Variants in PDE3A observed in about 807,000 individuals in gnomAD.
PDE3A encodes the protein phosphodiesterase 3A.
Under a neutral mutation model 98.3 loss-of-function variants are expected in PDE3A, and 43 were observed. That is an observed-to-expected ratio of 0.44 (90% CI 0.34 to 0.56). The LOEUF (loss-of-function observed/expected upper bound fraction) is 0.56, where lower values mean the gene tolerates loss of function less well. Ranked by LOEUF, PDE3A falls within the 20% of genes least tolerant of loss-of-function variation. The probability of loss-of-function intolerance (pLI) is 0.01; values close to 1 mark genes in which losing one functional copy is unlikely to be tolerated. For synonymous variants in PDE3A, 663 were observed against 567.9 expected (o/e 1.17, Z -2.38); for missense variants, 1,427 against 1,440.7 (o/e 0.99, Z 0.15).
chr12:20,374,077 T>C (rs1184104867), intron 1 of PDE3A, among the ~76,000 whole-genome samples: 10 of 152,146 alleles, frequency 6.6e-5, no homozygotes, highest in Non-Finnish European at 1.0e-4. Context: ...TTTATGGTGA[T>C]TCAAAGAGCA....
At chr12:20,422,845 A>C (rs1403535643) in intron 1 of PDE3A, among the ~76,000 whole-genome samples, 27 of 152,218 alleles carry the variant, frequency 1.8e-4, no homozygotes, top group Non-Finnish European at 4.4e-5. Context: ...AGTTCTTAAA[A>C]CTATAAAACT....
In PDE3A at chr12:20,556,692, A is replaced by G; in HGVS notation, c.993A>G (p.Arg331=). 6.2e-7 allele frequency: 1 copy of G among 1,609,744 alleles called. No individual in the cohort carries two copies. The highest frequency in any genetic ancestry group is 8.5e-7 in the Non-Finnish European group (1 of 1,176,180). Residue 331 remains arginine (R), a synonymous_variant, in exon 2 of 16, where the codon CGA becomes CGG. Transcript: ENST00000359062. ...GGCATTCAGAATGGGACCACAAACG[A>G]GGGCCAAGAGGATCACAGGTAAGTT... ...LMGHSEWDHK[R]GPRGSQSSGT...
At chr12:20,473,486 A>G (rs1250400168) in intron 1 of PDE3A, among the ~76,000 whole-genome samples, 1 of 152,158 alleles carries the variant, frequency 6.6e-6, no homozygotes, top group Non-Finnish European at 1.5e-5. Context: ...TCTTCAACAA[A>G]CACTAGCCAA....
chr12:20,606,783 G>C (rs991134253), intron 2 of PDE3A, among the ~76,000 whole-genome samples: 4 of 151,128 alleles, frequency 2.6e-5, no homozygotes, highest in Non-Finnish European at 5.9e-5. Context: ...ACTTGAACCT[G>C]GGAGGTGGAG....
At chr12:20,395,942 C>G (rs986996207) in intron 1 of PDE3A, among the ~76,000 whole-genome samples, 8 of 151,896 alleles carry the variant, frequency 5.3e-5, no homozygotes, top group African/African-American at 1.7e-4. Context: ...GTCACTCAGG[C>G]TGAAGTGCAG....
At chr12:20,654,547 C>G (rs10743387) in intron 15 of PDE3A, among the ~76,000 whole-genome samples, 1 of 151,690 alleles carries the variant, frequency 6.6e-6, no homozygotes, top group Admixed American at 6.6e-5. Flanking sequence ...CCCAGGCTGG[C>G]GTGCAGTGGC....
At chr12:20,507,783 G>A (rs1444515423) in intron 1 of PDE3A, among the ~76,000 whole-genome samples, 1 of 151,974 alleles carries the variant, frequency 6.6e-6, no homozygotes, top group African/African-American at 2.4e-5. Flanking sequence ...CCAGAATCTG[G>A]TAACTTCTCA....
chr12:20,646,653 T>C (rs1288025884), intron 11 of PDE3A, 50 bp downstream of exon 11: 1 of 1,367,398 alleles, frequency 7.3e-7, no homozygotes, highest in African/African-American at 1.4e-5. Flanking sequence ...GGAACAAGGG[T>C]GTTTTTGTTT....
chr12:20,394,564 T>TATA (rs1197783512), intron 1 of PDE3A, among the ~76,000 whole-genome samples: 1 of 152,118 alleles, frequency 6.6e-6, no homozygotes, highest in Non-Finnish European at 1.5e-5. Context: ...AATTAATTTG[T>TATA]ATAATAAATA....
chr12:20,629,895 C>G lies in PDE3A; in HGVS notation c.1541-13C>G. The G allele has an allele frequency of 6.3e-7, 1 of 1,595,074 alleles. No individual in the cohort carries two copies. Among genetic ancestry groups the G allele is most frequent in the Non-Finnish European group, 8.6e-7 (1 of 1,162,746 alleles). ...GACATTTGTTTAGTTACTTAACTCT[C>G]ATTCTTTCTCAGGTGCCCTCGCTAA... On this transcript the variant is annotated splice_polypyrimidine_tract_variant and intron_variant, in intron 5 of 15. Transcript: ENST00000359062.
chr12:20,506,919 A>G (rs1940379850), intron 1 of PDE3A, among the ~76,000 whole-genome samples: 2 of 152,048 alleles, frequency 1.3e-5, no homozygotes, highest in African/African-American at 4.8e-5. Flanking sequence ...GAAACAGGTC[A>G]TTTTTCAAGA....
intron 1 of PDE3A, among the ~76,000 whole-genome samples, chr12:20,448,225 A>ACAG (rs1944993309): frequency 6.6e-6 from 1 of 152,132 alleles, no homozygotes; most frequent in South Asian, 2.1e-4. Flanking sequence ...GGATCACCTG[A>ACAG]GGTCAGGATT....
intron 1 of PDE3A, among the ~76,000 whole-genome samples, chr12:20,371,024 T>C (rs1318368904): frequency 1.3e-5 from 2 of 152,246 alleles, no homozygotes; most frequent in Non-Finnish European, 2.9e-5. Context: ...TGGATATTTA[T>C]AAATTCAAAT....
At chr12:20,556,825 T>G in intron 2 of PDE3A, 115 bp downstream of exon 2, 1 of 775,074 alleles carries the variant, frequency 1.3e-6, no homozygotes, top group East Asian at 2.5e-5. Context: ...AAAATAACCA[T>G]GCCATTTGTT....
intron 1 of PDE3A, among the ~76,000 whole-genome samples, chr12:20,428,292 A>C (rs1429162672): frequency 6.6e-6 from 1 of 152,108 alleles, no homozygotes; most frequent in Admixed American, 6.5e-5. Flanking sequence ...TAGTAGTAGT[A>C]TTTTTGAGAC....
At chr12:20,545,173 A>T (rs1416481394) in intron 1 of PDE3A, among the ~76,000 whole-genome samples, 2 of 152,110 alleles carry the variant, frequency 1.3e-5, no homozygotes, top group Admixed American at 1.3e-4. Flanking sequence ...TTAAATGAAA[A>T]TAATGGAAGC....
intron 2 of PDE3A, among the ~76,000 whole-genome samples, chr12:20,576,702 C>T (rs1239143266): frequency 6.6e-5 from 10 of 152,010 alleles, no homozygotes; most frequent in Admixed American, 1.3e-4. Flanking sequence ...CGGATATTCA[C>T]GGAAATATAA....
intron 1 of PDE3A, among the ~76,000 whole-genome samples, chr12:20,383,016 A>G (rs1943689254): frequency 6.6e-6 from 1 of 151,978 alleles, no homozygotes; most frequent in Admixed American, 6.6e-5. Context: ...GAGGCATCCT[A>G]GGAGCCAGAT....
chr12:20,514,774 G>C (rs930639366), intron 1 of PDE3A, among the ~76,000 whole-genome samples: 2 of 152,180 alleles, frequency 1.3e-5, no homozygotes, highest in Non-Finnish European at 2.9e-5. Context: ...ATTGAATTTG[G>C]CTTCCCACAT....
Sources: gnomAD v4.1 joint callset for allele counts (sites outside exome capture counted in the v4.1 genomes callset) on GRCh38, gnomAD v4.1.1 for gene constraint, MANE v1.5 for transcripts, NCBI Gene and HGNC (gene_info 2026-07-23, HGNC 2026-07-21) for gene names.